Variants in CDK14 observed in about 807,000 individuals in gnomAD.
The protein encoded by CDK14 is cyclin-dependent kinase 14.
CDK14 carries 34 observed loss-of-function variants against 60.7 expected under a neutral mutation model. The ratio of observed to expected loss-of-function variants is 0.56; its 90% CI spans 0.43 to 0.75. The LOEUF is 0.75. Ranked by LOEUF, CDK14 falls within the 30% of genes least tolerant of loss-of-function variation. CDK14 has a pLI of 0.00. For missense variants in CDK14, 482 were observed against 564.1 expected (o/e 0.85, Z 1.47); for synonymous variants, 197 against 203.7 (o/e 0.97, Z 0.28).
intron 14 of CDK14, among the ~76,000 whole-genome samples, chr7:91,201,006 A>G (rs1336758531): frequency 6.6e-6 from 1 of 151,902 alleles, no homozygotes; most frequent in Non-Finnish European, 1.5e-5. Flanking sequence ...AGTTATCCTA[A>G]TTTTTTCATT....
intron 4 of CDK14, among the ~76,000 whole-genome samples, 189 bp downstream of exon 4, chr7:90,747,964 A>G (rs910599217): frequency 7.0e-6 from 1 of 143,250 alleles, no homozygotes; most frequent in Non-Finnish European, 1.5e-5. Context: ...GCTAGTAAAC[A>G]GTTTTTCAGA....
At chr7:91,173,321 C>T (rs891364390) in intron 14 of CDK14, among the ~76,000 whole-genome samples, 16 of 151,932 alleles carry the variant, frequency 1.1e-4, no homozygotes, top group African/African-American at 3.9e-4. Flanking sequence ...TTTTGGGGTG[C>T]GATGGCACAC....
chr7:91,110,274 T>G (rs142945228), intron 12 of CDK14, among the ~76,000 whole-genome samples: 1 of 152,192 alleles, frequency 6.6e-6, no homozygotes, highest in African/African-American at 2.4e-5. Context: ...AAAATATGAT[T>G]ATTGGCATAT....
intron 2 of CDK14, among the ~76,000 whole-genome samples, chr7:90,625,044 C>G (rs1349826706): frequency 6.6e-6 from 1 of 152,124 alleles, no homozygotes; most frequent in Non-Finnish European, 1.5e-5. Flanking sequence ...CGGCGAATGG[C>G]TCATAGTAAA....
At chr7:91,054,395 A>G (rs1313888250) in intron 11 of CDK14, among the ~76,000 whole-genome samples, 2 of 152,212 alleles carry the variant, frequency 1.3e-5, no homozygotes, top group African/African-American at 4.8e-5. Flanking sequence ...ACCATCAGCT[A>G]TCACCTTTGT....
chr7:90,677,207 C>T (rs893368803), intron 2 of CDK14, among the ~76,000 whole-genome samples: 10 of 152,156 alleles, frequency 6.6e-5, no homozygotes, highest in African/African-American at 2.4e-4. Flanking sequence ...ACTATATAGA[C>T]TGGTAAGTTC....
At chr7:90,955,017 T>A (rs1205132837) in intron 8 of CDK14, among the ~76,000 whole-genome samples, 8 of 152,016 alleles carry the variant, frequency 5.3e-5, no homozygotes. Context: ...TGCGTATACC[T>A]TTTCACTTAA....
At chr7:90,805,401 G>C (rs1002310767) in intron 5 of CDK14, among the ~76,000 whole-genome samples, 7 of 150,446 alleles carry the variant, frequency 4.7e-5, no homozygotes, top group Non-Finnish European at 8.9e-5. Context: ...CGTGTTAAAG[G>C]CTTAACAAAC....
At chr7:90,872,890 C>G (rs1304064284) in intron 6 of CDK14, among the ~76,000 whole-genome samples, 2 of 152,100 alleles carry the variant, frequency 1.3e-5, no homozygotes, top group East Asian at 3.8e-4. Context: ...CAGTATGCAT[C>G]TGATTTTTAT....
At chr7:91,171,712 T>A (rs1446599428) in intron 14 of CDK14, among the ~76,000 whole-genome samples, 2 of 152,166 alleles carry the variant, frequency 1.3e-5, no homozygotes, top group African/African-American at 2.4e-5. Flanking sequence ...AGTGGCATGA[T>A]CTCAGCTCAC....
chr7:91,097,095 T>G (rs1252075544), intron 12 of CDK14, among the ~76,000 whole-genome samples: 2 of 152,100 alleles, frequency 1.3e-5, no homozygotes, highest in South Asian at 4.1e-4. Flanking sequence ...TAAAAACATA[T>G]TCGGGCCGGA....
chr7:90,885,860 T>C (rs1044903901), intron 6 of CDK14, among the ~76,000 whole-genome samples: 96 of 152,086 alleles, frequency 6.3e-4, no homozygotes, highest in Non-Finnish European at 2.1e-4. Context: ...GAGTTGAACA[T>C]TGAGAACACA....
chr7:90,658,378 A>G (rs1198814852), intron 2 of CDK14, among the ~76,000 whole-genome samples: 2 of 152,192 alleles, frequency 1.3e-5, no homozygotes, highest in African/African-American at 2.4e-5. Context: ...CAGATGGTAG[A>G]AGGGATACTC....
intron 2 of CDK14, among the ~76,000 whole-genome samples, chr7:90,641,896 T>C (rs1339080863): frequency 6.6e-6 from 1 of 151,992 alleles, no homozygotes; most frequent in Non-Finnish European, 1.5e-5. Context: ...TGGCAGAAGG[T>C]GAAAGGCACA....
chr7:90,973,552 G>T (rs77898879), intron 9 of CDK14, among the ~76,000 whole-genome samples: 10,673 of 152,100 alleles, frequency 0.07, 449 homozygotes, highest in East Asian at 0.18. Flanking sequence ...AACTTTTATC[G>T]GGGGGACCAG....
intron 9 of CDK14, among the ~76,000 whole-genome samples, chr7:90,957,155 G>A (rs1340189422): frequency 1.3e-5 from 2 of 151,078 alleles, no homozygotes; most frequent in Non-Finnish European, 2.9e-5. Flanking sequence ...GGGTCAAATG[G>A]TATTTCTAGT....
intron 2 of CDK14, among the ~76,000 whole-genome samples, chr7:90,693,828 G>A (rs1801603491): frequency 6.6e-6 from 1 of 152,156 alleles, no homozygotes. Flanking sequence ...AACTTGCTGA[G>A]CAGAGAAGTT....
intron 5 of CDK14, among the ~76,000 whole-genome samples, chr7:90,822,627 C>T (rs535942209): frequency 6.6e-6 from 1 of 152,284 alleles, no homozygotes; most frequent in South Asian, 2.1e-4. Flanking sequence ...TAGCACCATG[C>T]TCTGACTCTT....
At chr7:91,112,448 T>C in intron 12 of CDK14, 94 bp from the exon 13 acceptor site, 1 of 1,355,416 alleles carries the variant, frequency 7.4e-7, no homozygotes, top group South Asian at 1.4e-5. Flanking sequence ...TAGCCAGGAA[T>C]AAATTGAAAT....
Sources: gnomAD v4.1 joint callset for allele counts (sites outside exome capture counted in the v4.1 genomes callset) on GRCh38, gnomAD v4.1.1 for gene constraint, MANE v1.5 for transcripts, NCBI Gene and HGNC (gene_info 2026-07-23, HGNC 2026-07-21) for gene names.